SSH1: variants seen among roughly 807,000 people sequenced by gnomAD.
The protein encoded by SSH1 is slingshot protein phosphatase 1, also known as protein phosphatase Slingshot homolog 1.
A neutral mutation model predicts 79.7 loss-of-function variants in SSH1; 43 were observed. That is an observed-to-expected ratio of 0.54 (90% confidence interval 0.42 to 0.70). The LOEUF (loss-of-function observed/expected upper bound fraction) is 0.70, where lower values mean the gene tolerates loss of function less well. Among genes scored for constraint, SSH1 ranks in the 30% least tolerant of loss-of-function variants. The pLI is 0.00. For synonymous variants in SSH1, 599 were observed against 538.3 expected, an observed-to-expected ratio of 1.11 and a Z score of -1.56; for missense variants, 1,206 against 1,358.8, an observed-to-expected ratio of 0.89 and a Z score of 1.77.
In SSH1 at chr12:108,809,581, C is replaced by T; in HGVS notation, c.536+112G>A. 5.6e-6 allele frequency: 5 copies of T among 894,464 alleles called. No individual in the cohort carries two copies. The South Asian group carries it at 6.6e-5, about 12-fold the overall frequency. The allele number at this position is 894,464 out of a possible 1,614,324, so 55.4% of individuals were successfully genotyped here. On this transcript the variant is annotated intron_variant, in intron 7 of 14. Coordinates refer to ENST00000326495, the MANE Select transcript of SSH1 (RefSeq NM_018984.4). ...TTTATGTTACATGTATTTTGCGCCT[C>T]CCTCAACATGCACATACGTAACGAG...
intron 12 of SSH1, 152 bp from the exon 13 acceptor site, chr12:108,799,352 T>TAA: frequency 1.5e-6 from 1 of 665,678 alleles, no homozygotes; most frequent in Non-Finnish European, 2.5e-6. Flanking sequence ...TCCTACGTCT[T>TAA]AATGTTTACG....
chr12:108,857,437 G>A lies in SSH1; in HGVS notation c.60C>T (p.Ser20=). ...PTPSAASSSA[S]NSELEAGSEE... The stretch of plus-strand genomic sequence containing the variant: ...CGAGCCCGGGGCTCACCTCGCTGTT[G>A]CTGGCCGAGGAGGAGGCGGCGCTGG... The change falls in exon 1 of 15, where the codon AGC becomes AGT. Residue 20 remains serine (S), a synonymous_variant. Transcript: ENST00000326495. The surrounding 1 kb of genome is among the most constrained non-coding windows in gnomAD (Gnocchi z 4.7). 1.8e-6 allele frequency: 2 copies of A among 1,104,798 alleles called. No homozygotes were observed. Among genetic ancestry groups the A allele is most frequent in the Non-Finnish European group, 2.2e-6 (2 of 891,610 alleles). 68.4% of individuals were successfully genotyped at this position (1,104,798 alleles called of 1,614,324 possible). A position where few individuals can be genotyped will look rare whatever the true frequency, so the allele number is the denominator to read the frequency against.
In SSH1 at chr12:108,788,519, C is replaced by A. The variant is rs1565964179; in HGVS notation, c.2619G>T (p.Met873Ile). 1.3e-6 allele frequency: 2 copies of A among 1,562,204 alleles called. No homozygotes were observed. The highest frequency in any genetic ancestry group is 1.9e-5 in the Admixed American group (1 of 53,122). The change falls in exon 15 of 15, where the codon ATG becomes ATT. Residue 873 changes from methionine to isoleucine, a missense_variant. Transcript: ENST00000326495. ...AALHELGPLV[M>I]PSQAGSDEKS... ...TCTCATCACTCCCGGCCTGGCTGGGCATAACCAGGGGGCCCAGCTCGTGGA... is the reference window on the plus strand; with the variant it reads ...TCTCATCACTCCCGGCCTGGCTGGGAATAACCAGGGGGCCCAGCTCGTGGA...
chr12:108,806,292 T>C lies in SSH1; in HGVS notation c.825+9A>G, dbSNP rs781370753. On this transcript the variant is annotated intron_variant, in intron 9 of 14. Transcript: ENST00000326495. ...CTCTGACCTGCAATGAAGGGAGGAG[T>C]TGTCTTACCTCTTTGGAAGTCACAT... 1 of 1,612,956 alleles carries C rather than the reference T, an allele frequency of 6.2e-7. No individual in the cohort carries two copies. Among genetic ancestry groups the C allele is most frequent in the South Asian group, 1.1e-5 (1 of 91,028 alleles).
chr12:108,841,257 G>A (rs909743602), intron 2 of SSH1, among the ~76,000 whole-genome samples: 23 of 152,314 alleles, frequency 1.5e-4, no homozygotes, highest in Non-Finnish European at 2.6e-4. Flanking sequence ...GAGCTTGCAC[G>A]CACATTCCTG....
At chr12:108,797,195 C>T (rs1287179534) in intron 13 of SSH1, among the ~76,000 whole-genome samples, 3 of 152,172 alleles carry the variant, frequency 2.0e-5, no homozygotes, top group Admixed American at 6.5e-5. Context: ...GGCACAATCT[C>T]GGCTCACTGC....
rs202118534 is a variant in SSH1, at chr12:108,800,762, G to A, written c.1148+18C>T. 280 of 1,610,682 alleles carry A rather than the reference G, an allele frequency of 1.7e-4. 1 individual carries two copies. The highest frequency in any genetic ancestry group is 1.6e-3 in the African/African-American group (118 of 74,462). Reference sequence around the variant, plus strand: ...GCAGGTTGGTTTCATCCTCAGCCCCGCCTCTCTGTCCACTTACTTCGCTTT... The same window carrying A: ...GCAGGTTGGTTTCATCCTCAGCCCCACCTCTCTGTCCACTTACTTCGCTTT... On this transcript the variant is annotated intron_variant, in intron 12 of 14. Coordinates refer to ENST00000326495, the MANE Select transcript of SSH1 (RefSeq NM_018984.4).
intron 1 of SSH1, among the ~76,000 whole-genome samples, chr12:108,856,329 C>T (rs1199113858): frequency 6.6e-6 from 1 of 152,240 alleles, no homozygotes; most frequent in Non-Finnish European, 1.5e-5. Flanking sequence ...GCCAGGCCAA[C>T]CCTGCAGGCT....
chr12:108,845,798 G>A (rs767239544), intron 2 of SSH1, among the ~76,000 whole-genome samples: 4 of 152,156 alleles, frequency 2.6e-5, no homozygotes, highest in East Asian at 1.9e-4. Context: ...TCTCCAGTAC[G>A]GACACAGAAC....
intron 2 of SSH1, among the ~76,000 whole-genome samples, chr12:108,828,540 G>A (rs761246388): frequency 9.9e-5 from 15 of 152,158 alleles, no homozygotes; most frequent in Admixed American, 6.5e-4. Context: ...CACATCTTCC[G>A]TCCTTCTTCC....
At chr12:108,804,033 C>A (rs2037152924) in intron 10 of SSH1, among the ~76,000 whole-genome samples, 1 of 152,156 alleles carries the variant, frequency 6.6e-6, no homozygotes, top group Admixed American at 6.5e-5. Flanking sequence ...CATTAGTTAG[C>A]ACCTGCAAAA....
chr12:108,804,490 A>G (rs1258711822), intron 10 of SSH1, among the ~76,000 whole-genome samples: 3 of 152,230 alleles, frequency 2.0e-5, no homozygotes, highest in African/African-American at 7.2e-5. Flanking sequence ...GGAGGTGCAC[A>G]GAAATCAGTA....
chr12:108,836,927 G>C (rs1273572818), intron 2 of SSH1: 4 of 532,876 alleles, frequency 7.5e-6, no homozygotes, highest in Non-Finnish European at 1.2e-5. Flanking sequence ...GACAGTACTG[G>C]GCACAAACAT....
At position 108,824,464 on chromosome 12, in the gene SSH1, A is replaced by AAAAGAAAG. The variant is rs527807719; in HGVS notation, c.111-1111_111-1104dup. 4.6e-5 allele frequency among the ~76,000 whole-genome samples: 7 copies of AAAAGAAAG among 151,262 alleles called. No homozygotes were observed. In the South Asian group the frequency reaches 6.3e-4, roughly 14 times the overall value. On this transcript the variant is annotated intron_variant, in intron 2 of 14. Coordinates refer to ENST00000326495, the MANE Select transcript of SSH1 (RefSeq NM_018984.4). The stretch of plus-strand genomic sequence containing the variant: ...AGCAAGACTGTGTCTCAAAAAAAAA[A>AAAAGAAAG]AAAGAAAGAAAGAAAGAAAGAAAAA...
intron 2 of SSH1, among the ~76,000 whole-genome samples, chr12:108,844,251 C>T (rs184320358): frequency 3.3e-5 from 5 of 152,014 alleles, no homozygotes; most frequent in Admixed American, 3.3e-4. Context: ...CCCATCCCTC[C>T]CTAAGTCCAA....
intron 2 of SSH1, among the ~76,000 whole-genome samples, chr12:108,825,497 T>C (rs1055123847): frequency 6.6e-6 from 1 of 152,240 alleles, no homozygotes; most frequent in Non-Finnish European, 1.5e-5. Context: ...TCTGGTTAAA[T>C]GCTCATGCTA....
In SSH1 at chr12:108,778,281, C is replaced by T. The variant is rs1022923783; in HGVS notation, c.*9707G>A. On this transcript the variant is annotated 3_prime_UTR_variant, in exon 15 of 15. Transcript: ENST00000326495. Reference sequence around the variant, plus strand: ...CGCACGCATAAGTCCACAGGGGCTCCTTTTCATGGCATATCTCATTTACTC... The same window carrying T: ...CGCACGCATAAGTCCACAGGGGCTCTTTTTCATGGCATATCTCATTTACTC... 1 of 152,218 alleles carries T rather than the reference C, an allele frequency of 6.6e-6. No individual in the cohort carries two copies. The highest frequency in any genetic ancestry group is 2.4e-5 in the African/African-American group (1 of 41,460). The allele number at this position is 152,218 out of a possible 1,614,324, so 9.4% of individuals were successfully genotyped here. A position where few individuals can be genotyped will look rare whatever the true frequency, so the allele number is the denominator to read the frequency against.
chr12:108,796,136 G>C (rs555189075), intron 13 of SSH1, among the ~76,000 whole-genome samples: 1 of 151,974 alleles, frequency 6.6e-6, no homozygotes, highest in Non-Finnish European at 1.5e-5. Flanking sequence ...GACTGGTCTC[G>C]AACTCCTGAC....
At chr12:108,856,941 C>A (rs1435007901) in intron 1 of SSH1, among the ~76,000 whole-genome samples, 1 of 152,234 alleles carries the variant, frequency 6.6e-6, no homozygotes, top group Non-Finnish European at 1.5e-5. Flanking sequence ...GACGCACAGT[C>A]CTCCCCAGAC....
Sources: allele counts gnomAD v4.1 joint callset (sites outside exome capture counted in the v4.1 genomes callset), GRCh38; gene constraint gnomAD v4.1.1; non-coding constraint Gnocchi (gnomAD v3.1); transcripts MANE v1.5; gene names NCBI Gene and HGNC (gene_info 2026-07-23, HGNC 2026-07-21).